Variants in DOCK8 observed in about 807,000 individuals in gnomAD.
The protein encoded by DOCK8 is dedicator of cytokinesis 8, also known as dedicator of cytokinesis protein 8.
Under a neutral mutation model 245.6 loss-of-function variants are expected in DOCK8, and 141 were observed. The observed-to-expected ratio is 0.57, with a 90% CI of 0.50 to 0.66. DOCK8 has a LOEUF of 0.66. DOCK8 is among the 30% of genes least tolerant of loss of function. DOCK8 has a pLI of 0.00. For missense variants in DOCK8, 2,965 were observed against 2,603.4 expected (o/e 1.14, Z -3.02); for synonymous variants, 1,168 against 970.2 (o/e 1.20, Z -3.79).
At chr9:265,734 G>A (rs1412109754) in intron 1 of DOCK8, among the ~76,000 whole-genome samples, 1 of 152,188 alleles carries the variant, frequency 6.6e-6, no homozygotes, top group African/African-American at 2.4e-5. Context: ...TTCCAGGGCT[G>A]TTTGGTTTCC....
intron 33 of DOCK8, among the ~76,000 whole-genome samples, chr9:423,833 C>T (rs1164360080): frequency 6.6e-6 from 1 of 152,164 alleles, no homozygotes; most frequent in Non-Finnish European, 1.5e-5. Context: ...AGCTCATCTA[C>T]TCTACTAGAT....
At chr9:449,418 G>C (rs556318686) in intron 44 of DOCK8, among the ~76,000 whole-genome samples, 26 of 152,180 alleles carry the variant, frequency 1.7e-4, no homozygotes, top group African/African-American at 6.3e-4. Context: ...CACCTGACAG[G>C]GTAGAAAAAA....
intron 44 of DOCK8, among the ~76,000 whole-genome samples, chr9:449,037 CA>C (rs2057350439): frequency 6.6e-6 from 1 of 152,206 alleles, no homozygotes; most frequent in African/African-American, 2.4e-5. Context: ...GCTTCTACTA[CA>C]GCTTTCTGCA....
chr9:449,745 CCAGA>C, intron 44 of DOCK8, 35 bp from the exon 45 acceptor site: 2 of 1,611,940 alleles, frequency 1.2e-6, no homozygotes, highest in Middle Eastern at 2.2e-4. Context: ...GCTTATGAGA[CCAGA>C]CAGTGACTTC....
chr9:310,285 A>G (rs940036406), intron 5 of DOCK8, among the ~76,000 whole-genome samples: 22 of 152,044 alleles, frequency 1.4e-4, no homozygotes, highest in African/African-American at 4.8e-4. Flanking sequence ...AAAAAATCCA[A>G]TCTTTCCTAT....
chr9:278,880 G>A (rs2048462554), intron 2 of DOCK8, among the ~76,000 whole-genome samples: 1 of 152,196 alleles, frequency 6.6e-6, no homozygotes, highest in Non-Finnish European at 1.5e-5. Flanking sequence ...ACAGGAAGCT[G>A]CTGTGAGCAT....
intron 1 of DOCK8, among the ~76,000 whole-genome samples, chr9:262,141 A>G (rs1208586844): frequency 6.6e-6 from 1 of 152,112 alleles, no homozygotes; most frequent in Admixed American, 6.6e-5. Context: ...CTTTCTTAGC[A>G]TCATTAGTCA....
chr9:412,404 C>CAAAAAAA (rs59340573), intron 28 of DOCK8, among the ~76,000 whole-genome samples: 4 of 100,772 alleles, frequency 4.0e-5, no homozygotes, highest in East Asian at 2.7e-4. Flanking sequence ...GACCCTGTCT[C>CAAAAAAA]AAAAAAAAAA....
At chr9:244,305 TA>T (rs1222249697) in intron 1 of DOCK8, among the ~76,000 whole-genome samples, 1 of 151,086 alleles carries the variant, frequency 6.6e-6, no homozygotes, top group Non-Finnish European at 1.5e-5. Context: ...CACACACATA[TA>T]TACTGAAACG....
chr9:300,069 A>G (rs928998783), intron 4 of DOCK8, among the ~76,000 whole-genome samples: 2 of 151,400 alleles, frequency 1.3e-5, no homozygotes, highest in African/African-American at 4.8e-5. Context: ...GACTTGAATT[A>G]GTCACCAAGC....
Position 450,008 on chromosome 9 carries a change from G to A in DOCK8, c.5961+81G>A. 3.4e-6 allele frequency: 5 copies of A among 1,484,278 alleles called. No individual in the cohort carries two copies. The East Asian group carries it at 1.1e-4, about 34-fold the overall frequency. The allele number at this position is 1,484,278 out of a possible 1,614,324, so 91.9% of individuals were successfully genotyped here. On this transcript the variant is annotated intron_variant, in intron 45 of 47. Coordinates refer to ENST00000432829, the MANE Select transcript of DOCK8 (RefSeq NM_203447.4). ...ATACGTCTGCACCCTTCTTCCTTGGGGTTGATGAGGACTTTGATCCATAGA... is the reference window on the plus strand; with the variant it reads ...ATACGTCTGCACCCTTCTTCCTTGGAGTTGATGAGGACTTTGATCCATAGA...
Position 250,267 on chromosome 9 carries a change from A to G in DOCK8, c.54-21360A>G, listed in dbSNP as rs779800750. 3.9e-4 allele frequency among the ~76,000 whole-genome samples: 60 copies of G among 152,232 alleles called. 1 individual carries two copies. Among genetic ancestry groups the G allele is most frequent in the Non-Finnish European group, 8.2e-4 (56 of 68,048 alleles). ...CTTGCAGTTGGGCAAAAGAGGATAA[A>G]TTAATTGCTTTGTAGAAATTCCTTT... On this transcript the variant is annotated intron_variant, in intron 1 of 47. Transcript: ENST00000432829.
intron 39 of DOCK8, among the ~76,000 whole-genome samples, chr9:436,944 G>A (rs1245577452): frequency 6.6e-6 from 1 of 152,212 alleles, no homozygotes; most frequent in Admixed American, 6.5e-5. Context: ...AGGGAAGGGT[G>A]AAGAAGGTGA....
intron 1 of DOCK8, among the ~76,000 whole-genome samples, chr9:239,760 T>C (rs1057158305): frequency 7.9e-5 from 12 of 152,208 alleles, no homozygotes; most frequent in Non-Finnish European, 1.0e-4. Flanking sequence ...GATACACACA[T>C]ACATACATAC....
chr9:335,409 A>G (rs1348549052), intron 11 of DOCK8, among the ~76,000 whole-genome samples: 3 of 152,178 alleles, frequency 2.0e-5, no homozygotes, highest in African/African-American at 7.2e-5. Context: ...TCCTTAAGCT[A>G]AGGCTTAAGC....
intron 1 of DOCK8, among the ~76,000 whole-genome samples, chr9:233,109 C>T (rs904165015): frequency 1.3e-5 from 2 of 151,802 alleles, no homozygotes; most frequent in Non-Finnish European, 2.9e-5. Context: ...TTTGTTCTTG[C>T]TGGTTTCAAA....
At chr9:425,228 A>C (rs10733505) in intron 33 of DOCK8, among the ~76,000 whole-genome samples, 1 of 152,062 alleles carries the variant, frequency 6.6e-6, no homozygotes, top group South Asian at 2.1e-4. Flanking sequence ...CTAGCAGTCA[A>C]TTAATTAAAA....
At position 442,272 on chromosome 9, in the gene DOCK8, G is replaced by C. The variant is rs965057; in HGVS notation, c.5490+263G>C. Among the ~76,000 whole-genome samples the C allele has an allele frequency of 0.74, 112,525 of 152,148 alleles. 43,017 individuals are homozygous for C. The highest frequency in any genetic ancestry group is 0.99 in the East Asian group (5,164 of 5,192). On this transcript the variant is annotated intron_variant, in intron 42 of 47. Coordinates refer to ENST00000432829, the MANE Select transcript of DOCK8 (RefSeq NM_203447.4). ...ATTTTATATGGTGAATATTTATTTTGAAGTCTGTGCAAAATTCAATCAAGG... is the reference window on the plus strand; with the variant it reads ...ATTTTATATGGTGAATATTTATTTTCAAGTCTGTGCAAAATTCAATCAAGG...
At chr9:269,649 G>C (rs1043544045) in intron 1 of DOCK8, among the ~76,000 whole-genome samples, 3 of 149,780 alleles carry the variant, frequency 2.0e-5, no homozygotes, top group Non-Finnish European at 3.0e-5. Flanking sequence ...TCCGCCTCTC[G>C]GGTTCAAGCA....
Sources: allele counts gnomAD v4.1 joint callset (sites outside exome capture counted in the v4.1 genomes callset), GRCh38; gene constraint gnomAD v4.1.1; transcripts MANE v1.5; gene names NCBI Gene and HGNC (gene_info 2026-07-23, HGNC 2026-07-21).